Variants in IGSF5 observed in about 807,000 individuals in gnomAD.
IGSF5 encodes immunoglobulin superfamily 5 like.
Under a neutral mutation model 39.4 loss-of-function variants are expected in IGSF5, and 41 were observed. That is an observed-to-expected ratio of 1.04 (90% CI 0.81 to 1.35). The LOEUF (loss-of-function observed/expected upper bound fraction) is 1.35, where lower values mean the gene tolerates loss of function less well. Ranked by LOEUF, IGSF5 falls within the 40% of genes most tolerant of loss-of-function variation. The pLI is 0.00. For synonymous variants in IGSF5, 183 were observed against 175.3 expected (o/e 1.04, Z -0.34); for missense variants, 487 against 494.6 (o/e 0.98, Z 0.15).
At chr21:39,793,701 G>T in intron 8 of IGSF5, 88 bp downstream of exon 8, 1 of 1,048,770 alleles carries the variant, frequency 9.5e-7, no homozygotes, top group Non-Finnish European at 1.5e-6. Context: ...AATGGTGCGC[G>T]TTGTGTATTC....
chr21:39,775,150 A>G (rs1315205656), intron 4 of IGSF5, among the ~76,000 whole-genome samples: 1 of 151,744 alleles, frequency 6.6e-6, no homozygotes, highest in South Asian at 2.1e-4. Flanking sequence ...GAAAAAAAAA[A>G]TCTCTAAGGC....
At chr21:39,750,692 C>T (rs2080001531) in intron 2 of IGSF5, among the ~76,000 whole-genome samples, 1 of 152,136 alleles carries the variant, frequency 6.6e-6, no homozygotes, top group South Asian at 2.1e-4. Context: ...ATGGAAGCCA[C>T]ACTTACTCCT....
upstream of IGSF5, among the ~76,000 whole-genome samples, chr21:39,742,827 C>T (rs1425561684): frequency 6.6e-6 from 1 of 152,100 alleles, no homozygotes; most frequent in Non-Finnish European, 1.5e-5. Context: ...CTCCTGATCT[C>T]TATTATAAAA....
chr21:39,728,736 A>G, the IGSF5 span, among the ~76,000 whole-genome samples: 32 of 152,234 alleles, frequency 2.1e-4, no homozygotes, highest in Non-Finnish European at 2.9e-5. Flanking sequence ...ACTGCTGTCT[A>G]AATGAGACTT....
chr21:39,748,526 G>A (rs916755706), intron 2 of IGSF5, among the ~76,000 whole-genome samples: 17 of 151,998 alleles, frequency 1.1e-4, no homozygotes, highest in African/African-American at 4.1e-4. Flanking sequence ...GGCCAGGCTG[G>A]TCTGGAACTC....
chr21:39,779,005 A>C, intron 4 of IGSF5, 85 bp from the exon 5 acceptor site: 1 of 1,503,476 alleles, frequency 6.7e-7, no homozygotes, highest in Non-Finnish European at 9.0e-7. Context: ...ATATTACTAG[A>C]AAACATAATG....
intron 6 of IGSF5, 83 bp downstream of exon 6, chr21:39,788,271 C>T (rs2086936334): frequency 2.0e-6 from 2 of 986,954 alleles, no homozygotes; most frequent in Middle Eastern, 4.3e-4. Context: ...TACGTACACA[C>T]AACTGCGGGA....
Position 39,746,252 on chromosome 21 carries a change from G to A in IGSF5, c.54G>A (p.Trp18Ter). ...ATACTCTGCCGGATCTGGAGGAATG[G>A]AAGTCAGCGGCGGGTCTGCGATGGT... ...TADTLPDLEEWKSAAGLRWWQ... is the reference protein window; with the variant it reads ...TADTLPDLEE The change falls in exon 2 of 9, where the codon TGG becomes TGA. Residue 18 changes from tryptophan (W) to a stop codon, truncating the protein, a stop_gained. Coordinates refer to ENST00000380588, the MANE Select transcript of IGSF5 (RefSeq NM_001080444.2). LOFTEE classifies it high-confidence loss of function. 1 of 701,910 alleles carries A rather than the reference G, an allele frequency of 1.4e-6. No homozygotes were observed. Among genetic ancestry groups the A allele is most frequent in the Non-Finnish European group, 2.6e-6 (1 of 384,808 alleles). The allele number at this position is 701,910 out of a possible 1,614,324, so 43.5% of individuals were successfully genotyped here.
At chr21:39,718,308 A>T in the IGSF5 span, among the ~76,000 whole-genome samples, 2,121 of 152,224 alleles carry the variant, frequency 0.014, 28 homozygotes, top group Middle Eastern at 0.048. Context: ...GATAAGTTTG[A>T]CTTCCTCTCT....
chr21:39,779,520 C>T (rs1480750702), intron 5 of IGSF5, among the ~76,000 whole-genome samples: 2 of 152,174 alleles, frequency 1.3e-5, no homozygotes, highest in Admixed American at 6.5e-5. Flanking sequence ...TAAAATAGAG[C>T]TATCCTATAA....
chr21:39,762,619 A>G (rs1325204898), intron 2 of IGSF5, among the ~76,000 whole-genome samples: 2 of 152,240 alleles, frequency 1.3e-5, no homozygotes, highest in Non-Finnish European at 2.9e-5. Flanking sequence ...GATTCTCTTC[A>G]GAAGGTAATT....
chr21:39,739,780 T>C, the IGSF5 span, among the ~76,000 whole-genome samples: 1 of 152,118 alleles, frequency 6.6e-6, no homozygotes, highest in African/African-American at 2.4e-5. Context: ...CCGCGGTAGA[T>C]CTTAGTCATG....
At chr21:39,773,619 C>T (rs2080125705) in intron 4 of IGSF5, among the ~76,000 whole-genome samples, 1 of 152,108 alleles carries the variant, frequency 6.6e-6, no homozygotes, top group Non-Finnish European at 1.5e-5. Context: ...TGGTGTCCTT[C>T]CGACATCCCC....
the IGSF5 span, among the ~76,000 whole-genome samples, chr21:39,720,844 A>G: frequency 6.6e-6 from 1 of 152,232 alleles, no homozygotes; most frequent in African/African-American, 2.4e-5. Flanking sequence ...AATTCTCTGT[A>G]TGATCATATT....
rs1224079310 is a variant in IGSF5 at position 39,801,372 on chromosome 21, A to G, written c.*15A>G. ...CTGTAGTATAGCAAAGCCTTCCCCA[A>G]GCTCCACTGAGCACTTGGCTGACAA... On this transcript the variant is annotated 3_prime_UTR_variant, in exon 9 of 9. Transcript: ENST00000380588. 1 of 1,561,616 alleles carries G rather than the reference A, an allele frequency of 6.4e-7. No individual in the cohort carries two copies. Among genetic ancestry groups the G allele is most frequent in the African/African-American group, 1.4e-5 (1 of 73,912 alleles).
intron 8 of IGSF5, among the ~76,000 whole-genome samples, chr21:39,800,967 G>T (rs2087025365): frequency 6.6e-6 from 1 of 152,178 alleles, no homozygotes; most frequent in Non-Finnish European, 1.5e-5. Flanking sequence ...AGTAAAGCAA[G>T]AACTTCCTTA....
intron 5 of IGSF5, among the ~76,000 whole-genome samples, chr21:39,787,622 T>C (rs2086931196): frequency 6.6e-6 from 1 of 150,748 alleles, no homozygotes; most frequent in Admixed American, 6.7e-5. Context: ...TACATATTGA[T>C]TGAAAATGTA....
chr21:39,785,906 A>G (rs112936291), intron 5 of IGSF5, among the ~76,000 whole-genome samples: 3 of 152,158 alleles, frequency 2.0e-5, no homozygotes, highest in Non-Finnish European at 2.9e-5. Flanking sequence ...CTAGCCATAT[A>G]TAGAAAGCTG....
the IGSF5 span, among the ~76,000 whole-genome samples, chr21:39,725,414 T>G: frequency 6.6e-6 from 1 of 152,252 alleles, no homozygotes; most frequent in African/African-American, 2.4e-5. Flanking sequence ...AGCCCATTTT[T>G]TCTTCTAACA....
Sources: gnomAD v4.1 joint callset for allele counts (sites outside exome capture counted in the v4.1 genomes callset) on GRCh38, gnomAD v4.1.1 for gene constraint, MANE v1.5 for transcripts, NCBI Gene and HGNC (gene_info 2026-07-23, HGNC 2026-07-21) for gene names.